GALNT16: variants seen among roughly 807,000 people sequenced by gnomAD.
GALNT16 encodes polypeptide N-acetylgalactosaminyltransferase 16.
Under a neutral mutation model 76.1 loss-of-function variants are expected in GALNT16, and 40 were observed. That is an observed-to-expected ratio of 0.53 (90% CI 0.41 to 0.68). The LOEUF is 0.68. Among genes scored for constraint, GALNT16 ranks in the 30% least tolerant of loss-of-function variants. The pLI is 0.00. For synonymous variants in GALNT16, 276 were observed against 285.2 expected (o/e 0.97, Z 0.32); for missense variants, 621 against 731.9 (o/e 0.85, Z 1.75).
At chr14:69,286,995 C>T (rs2140123476) in intron 1 of GALNT16, among the ~76,000 whole-genome samples, 1 of 152,312 alleles carries the variant, frequency 6.6e-6, no homozygotes, top group Non-Finnish European at 1.5e-5. Context: ...AGGCCTGCCA[C>T]AGAACACACG....
At chr14:69,360,682 GAAAA>G (rs1215944736), downstream of GALNT16, among the ~76,000 whole-genome samples, 1 of 152,032 alleles carries the variant, frequency 6.6e-6, no homozygotes. Flanking sequence ...AAAAAGGAAA[GAAAA>G]AAGAAAAGAA....
At chr14:69,305,064 C>T (rs138660202) in intron 1 of GALNT16, among the ~76,000 whole-genome samples, 23 of 150,640 alleles carry the variant, frequency 1.5e-4, no homozygotes, top group African/African-American at 5.6e-4. Context: ...GTAGCAGCTG[C>T]GCCATTTCAC....
At chr14:69,312,287 C>T (rs377702535) in intron 1 of GALNT16, among the ~76,000 whole-genome samples, 18 of 152,126 alleles carry the variant, frequency 1.2e-4, no homozygotes, top group African/African-American at 3.9e-4. Flanking sequence ...GTGATCAGTC[C>T]GTGTTCGATA....
intron 3 of GALNT16, 34 bp downstream of exon 3, chr14:69,324,824 T>G: frequency 2.1e-6 from 3 of 1,406,248 alleles, no homozygotes; most frequent in Non-Finnish European, 2.9e-6. Context: ...ATCTCAGTGG[T>G]GCTGGCAGGG....
the GALNT16 span, among the ~76,000 whole-genome samples, chr14:69,365,298 A>C: frequency 6.6e-6 from 1 of 152,170 alleles, no homozygotes; most frequent in Admixed American, 6.5e-5. Context: ...AATAATTAAT[A>C]ATTTCAAACG....
chr14:69,325,059 G>A lies in GALNT16; in HGVS notation c.434+269G>A, dbSNP rs183699855. ...TGAGGGAGGCCGGGCTAGACAGGAGGCCTCAGGAGGGTGATGGAAGCCCAG... is the reference window on the plus strand; with the variant it reads ...TGAGGGAGGCCGGGCTAGACAGGAGACCTCAGGAGGGTGATGGAAGCCCAG... On this transcript the variant is annotated intron_variant, in intron 3 of 14. Transcript: ENST00000448469. Among the ~76,000 whole-genome samples, 14 of 152,348 alleles carry A rather than the reference G, an allele frequency of 9.2e-5. No individual in the cohort carries two copies. In the East Asian group the frequency reaches 1.5e-3, roughly 17 times the overall value.
At chr14:69,323,578 G>A (rs764992846) in intron 2 of GALNT16, among the ~76,000 whole-genome samples, 5 of 152,124 alleles carry the variant, frequency 3.3e-5, no homozygotes, top group South Asian at 4.1e-4. Flanking sequence ...CAGCTCAGCC[G>A]GCCAAGCTCA....
At chr14:69,345,577 G>A (rs2045550482) in intron 12 of GALNT16, among the ~76,000 whole-genome samples, 1 of 152,094 alleles carries the variant, frequency 6.6e-6, no homozygotes, top group Admixed American at 6.5e-5. Context: ...AATCCCTCCT[G>A]CTCCCCTGTA....
chr14:69,345,379 C>A (rs776225636), intron 12 of GALNT16, among the ~76,000 whole-genome samples: 1 of 152,140 alleles, frequency 6.6e-6, no homozygotes, highest in Non-Finnish European at 1.5e-5. Context: ...TCTGAGCCTC[C>A]TGTGAGCAGA....
intron 3 of GALNT16, 80 bp downstream of exon 3, chr14:69,324,870 T>C (rs980823121): frequency 2.3e-6 from 2 of 886,904 alleles, no homozygotes; most frequent in Admixed American, 2.7e-5. Flanking sequence ...GCCAGACAGC[T>C]TGAAGCCCAG....
At chr14:69,375,426 T>C in the GALNT16 span, among the ~76,000 whole-genome samples, 1 of 151,638 alleles carries the variant, frequency 6.6e-6, no homozygotes, top group Non-Finnish European at 1.5e-5. Flanking sequence ...AAATTTACCA[T>C]ATTGCTGTTT....
At chr14:69,282,184 C>T (rs372910886) in intron 1 of GALNT16, among the ~76,000 whole-genome samples, 2 of 152,172 alleles carry the variant, frequency 1.3e-5, no homozygotes, top group Admixed American at 1.3e-4. Flanking sequence ...CCCCTGGAGG[C>T]GATTCCTTGA....
Position 69,328,477 on chromosome 14 carries a change from C to T in GALNT16, c.596C>T (p.Ala199Val), listed in dbSNP as rs560466824. Residue 199 changes from alanine to valine, a missense_variant, in exon 6 of 15, where the codon GCG (alanine) becomes GTG (valine). Transcript: ENST00000448469. ...EGLIRSRVRG[A>V]DVAAATVLTF... is the part of the protein sequence containing the mutation. ...CTGATCCGGTCCCGAGTGCGTGGGG[C>T]GGACGTGGCTGCAGCTACCGTTCTC... 50 of 1,614,006 alleles carry T rather than the reference C, an allele frequency of 3.1e-5. No individual in the cohort carries two copies. The South Asian group carries it at 4.1e-4, about 13-fold the overall frequency.
At chr14:69,319,610 T>C (rs2045147846) in intron 1 of GALNT16, among the ~76,000 whole-genome samples, 2 of 152,220 alleles carry the variant, frequency 1.3e-5, no homozygotes, top group South Asian at 4.1e-4. Context: ...TAATGAGATG[T>C]CAGGGTGCTT....
At chr14:69,263,810 G>C (rs1486498663) in intron 1 of GALNT16, among the ~76,000 whole-genome samples, 3 of 152,232 alleles carry the variant, frequency 2.0e-5, no homozygotes, top group African/African-American at 7.2e-5. Context: ...TATGGAATCT[G>C]TAAAGCTAAA....
downstream of GALNT16, among the ~76,000 whole-genome samples, chr14:69,361,366 C>G (rs2045722750): frequency 6.6e-6 from 1 of 152,116 alleles, no homozygotes. Flanking sequence ...ATATCAAAGC[C>G]CAGAGAAGTT....
intron 14 of GALNT16, 108 bp from the exon 15 acceptor site, chr14:69,351,923 T>C: frequency 1.9e-6 from 2 of 1,027,942 alleles, no homozygotes; most frequent in South Asian, 1.6e-5. Context: ...GGATGTGTCC[T>C]AGTTATATAC....
Position 69,268,772 on chromosome 14 carries a change from C to T in GALNT16, c.177+8305C>T, listed in dbSNP as rs150333373. 1.0e-2 allele frequency among the ~76,000 whole-genome samples: 1,518 copies of T among 152,268 alleles called. 20 individuals carry two copies. The highest frequency in any genetic ancestry group is 0.012 in the Non-Finnish European group (786 of 68,010). ...AGCAGAAAGATGGGAAAAGGATGGC[C>T]AGGAAAGGCCTCTGGTAAGACTTCA... On this transcript the variant is annotated intron_variant, in intron 1 of 14. Coordinates refer to ENST00000448469, the MANE Select transcript of GALNT16 (RefSeq NM_001168368.2).
the GALNT16 span, among the ~76,000 whole-genome samples, chr14:69,376,853 A>C: frequency 3.1e-3 from 475 of 152,244 alleles, 3 homozygotes; most frequent in African/African-American, 0.011. Context: ...ATGACTTGTA[A>C]ATGCGGCATG....
Sources: gnomAD v4.1 joint callset for allele counts (sites outside exome capture counted in the v4.1 genomes callset) on GRCh38, gnomAD v4.1.1 for gene constraint, MANE v1.5 for transcripts, NCBI Gene and HGNC (gene_info 2026-07-23, HGNC 2026-07-21) for gene names.